The following ABCA10 variants were observed in gnomAD, a reference collection of about 807,000 sequenced individuals.
The protein encoded by ABCA10 is ATP binding cassette subfamily A member 10.
ABCA10 carries 169 observed loss-of-function variants against 187.5 expected under a neutral mutation model. The observed-to-expected ratio is 0.90, with a 90% CI of 0.80 to 1.02. The LOEUF is 1.02. Ranked by LOEUF, ABCA10 falls within the 50% of genes least tolerant of loss-of-function variation. ABCA10 has a pLI of 0.00. For missense variants in ABCA10, 1,727 were observed against 1,812.4 expected (o/e 0.95, Z 0.86); for synonymous variants, 574 against 601.8 (o/e 0.95, Z 0.68).
At chr17:69,191,507 A>G (rs1170638634) in intron 16 of ABCA10, among the ~76,000 whole-genome samples, 192 bp from the exon 17 acceptor site, 1 of 152,214 alleles carries the variant, frequency 6.6e-6, no homozygotes, top group Non-Finnish European at 1.5e-5. Flanking sequence ...TTGGTAGCCT[A>G]TTTTGCATTA....
intron 5 of ABCA10, among the ~76,000 whole-genome samples, chr17:69,219,989 C>T (rs1280788379): frequency 6.6e-6 from 1 of 152,194 alleles, no homozygotes; most frequent in Non-Finnish European, 1.5e-5. Flanking sequence ...GCATAATATA[C>T]TGTGCTACGT....
Position 69,150,027 on chromosome 17 carries a change from C to A in ABCA10, c.4434G>T (p.Glu1478Asp). ...AGGCCCGAGATAGAGGGTGGACATC[C>A]TCCACAGGTAACTTATACGCCATTA... ...SSLMAYKLPV[E>D]DVHPLSRAFF... The change falls in exon 37 of 39, where the codon GAG becomes GAT. Residue 1478 changes from glutamate (E) to aspartate (D), a missense_variant. Physicochemically the swap from Glu to Asp is conservative, Grantham distance 45. Transcript: ENST00000690296. The A allele has an allele frequency of 1.2e-6, 2 of 1,613,170 alleles. No individual in the cohort carries two copies. The highest frequency in any genetic ancestry group is 8.5e-7 in the Non-Finnish European group (1 of 1,179,410).
At chr17:69,211,327 A>ATG (rs1568070263) in intron 9 of ABCA10, among the ~76,000 whole-genome samples, 2 of 33,068 alleles carry the variant, frequency 6.0e-5, no homozygotes, top group African/African-American at 1.3e-4. Flanking sequence ...ATATATATAT[A>ATG]TATATATATA....
chr17:69,163,291 C>G (rs981452), intron 27 of ABCA10, among the ~76,000 whole-genome samples: 114,195 of 152,078 alleles, frequency 0.75, 43,482 homozygotes, highest in African/African-American at 0.85. Flanking sequence ...AATGGAGGTG[C>G]GCAGCCAAAT....
intron 1 of ABCA10, among the ~76,000 whole-genome samples, chr17:69,240,728 C>T (rs2074898799): frequency 6.6e-6 from 1 of 152,226 alleles, no homozygotes; most frequent in African/African-American, 2.4e-5. Context: ...AAGTTGTCTT[C>T]CTCTTTCCCA....
chr17:69,201,562 C>T lies in ABCA10; in HGVS notation c.1113G>A (p.Glu371=). Residue 371 remains glutamate, a synonymous_variant, in exon 10 of 39, where the codon GAG becomes GAA. Transcript: ENST00000690296. ...GTTCAAAAGAATCATCAGAGGAATG[C>T]TCAGGATTTATTTCATTCTCAAAGA... ...HEIFENEINP[E]HSSDDSFEPV... The T allele has an allele frequency of 1.9e-6, 3 of 1,612,238 alleles. No individual in the cohort carries two copies. The highest frequency in any genetic ancestry group is 2.5e-6 in the Non-Finnish European group (3 of 1,179,500).
intron 20 of ABCA10, among the ~76,000 whole-genome samples, chr17:69,185,150 AG>A (rs1032076517): frequency 2.6e-5 from 4 of 152,006 alleles, no homozygotes; most frequent in African/African-American, 9.7e-5. Context: ...GACTTGGGAA[AG>A]GGTGGGACGG....
chr17:69,172,475 A>G (rs1225316062), intron 25 of ABCA10, among the ~76,000 whole-genome samples: 2 of 152,148 alleles, frequency 1.3e-5, no homozygotes, highest in East Asian at 3.9e-4. Flanking sequence ...GCCCTCTATA[A>G]GCCAATGGGA....
intron 32 of ABCA10, 27 bp from the exon 33 acceptor site, chr17:69,153,573 T>C: frequency 5.0e-6 from 8 of 1,612,844 alleles, no homozygotes; most frequent in Non-Finnish European, 6.8e-6. Flanking sequence ...TGATTATACA[T>C]GAAGTATATG....
chr17:69,199,332 A>G (rs1452515831), intron 10 of ABCA10, among the ~76,000 whole-genome samples: 2 of 152,218 alleles, frequency 1.3e-5, no homozygotes, highest in Admixed American at 1.3e-4. Flanking sequence ...AAAGACTATC[A>G]TTAATCTCTG....
chr17:69,184,336 C>T (rs886132727), intron 20 of ABCA10, among the ~76,000 whole-genome samples: 1 of 152,034 alleles, frequency 6.6e-6, no homozygotes, highest in Non-Finnish European at 1.5e-5. Context: ...CTTATCCAGG[C>T]GACCCTAGGG....
At position 69,225,504 on chromosome 17, in the gene ABCA10, C is replaced by A; in HGVS notation, c.-146G>T. On this transcript the variant is annotated 5_prime_UTR_variant, in exon 3 of 39. Coordinates refer to ENST00000690296, the MANE Select transcript of ABCA10 (RefSeq NM_001377321.1). ...TTCCGAAAAGATGCACAAATATAGC[C>A]CTAGAAACAATGTTATTGTCCATTC... The A allele has an allele frequency of 1.5e-6, 1 of 676,580 alleles. No individual in the cohort carries two copies. Among genetic ancestry groups the A allele is most frequent in the Non-Finnish European group, 2.5e-6 (1 of 398,406 alleles). The allele number at this position is 676,580 out of a possible 1,614,324, so 41.9% of individuals were successfully genotyped here.
intron 9 of ABCA10, among the ~76,000 whole-genome samples, chr17:69,204,927 G>C (rs930275272): frequency 6.6e-6 from 1 of 152,186 alleles, no homozygotes; most frequent in African/African-American, 2.4e-5. Context: ...CCAGGAGTTT[G>C]AGACCAGCCT....
In ABCA10 at chr17:69,148,860, A is replaced by C; in HGVS notation, c.4599T>G (p.Val1533=). Residue 1533 remains valine (V), a synonymous_variant, in exon 39 of 39, where the codon GTT becomes GTG. Transcript: ENST00000690296. ...CTTCCTGTGGGAGAAGTTTCCATTCAACTGTTGTATCAATTTTATCATCAA... is the reference window on the plus strand; with the variant it reads ...CTTCCTGTGGGAGAAGTTTCCATTCCACTGTTGTATCAATTTTATCATCAA... ...GNVDDKIDTT[V]EWKLLPQEDP is the part of the protein sequence containing the mutation. The C allele has an allele frequency of 1.2e-6, 2 of 1,613,352 alleles. No individual in the cohort carries two copies. The highest frequency in any genetic ancestry group is 1.7e-6 in the Non-Finnish European group (2 of 1,179,852).
chr17:69,191,005 A>G (rs947670548), intron 17 of ABCA10, among the ~76,000 whole-genome samples, 171 bp downstream of exon 17: 3 of 152,150 alleles, frequency 2.0e-5, no homozygotes, highest in Non-Finnish European at 4.4e-5. Context: ...TAGTTGCTAT[A>G]ATACGTCCCT....
intron 1 of ABCA10, among the ~76,000 whole-genome samples, chr17:69,240,569 A>G (rs949009665): frequency 6.6e-6 from 1 of 152,216 alleles, no homozygotes; most frequent in Non-Finnish European, 1.5e-5. Flanking sequence ...CGGTTGGTAC[A>G]GTGAAATGCA....
intron 6 of ABCA10, 112 bp downstream of exon 6, chr17:69,219,433 T>G: frequency 2.9e-6 from 2 of 696,052 alleles, no homozygotes; most frequent in Non-Finnish European, 4.6e-6. Flanking sequence ...AGTAAGGTGA[T>G]TAAATTGAAT....
Position 69,215,701 on chromosome 17 carries a change from A to C in ABCA10, c.858+114T>G, listed in dbSNP as rs376528014. The C allele has an allele frequency of 1.2e-4, 129 of 1,059,590 alleles. No individual in the cohort carries two copies. The African/African-American group carries it at 1.7e-3, about 14-fold the overall frequency. 65.6% of individuals were successfully genotyped at this position (1,059,590 alleles called of 1,614,324 possible). On this transcript the variant is annotated intron_variant, in intron 8 of 38. Transcript: ENST00000690296. ...TTCTTATTTAGTTTCTCAACAGCAG[A>C]ATTTCTTAAAACACAGAGTGGCTGA...
At chr17:69,165,207 A>C (rs1348406261) in intron 25 of ABCA10, 124 bp from the exon 26 acceptor site, 11 of 801,230 alleles carry the variant, frequency 1.4e-5, no homozygotes, top group Admixed American at 2.7e-5. Context: ...CACAGATAGA[A>C]ATATTCTTAG....
Sources: allele counts gnomAD v4.1 joint callset (sites outside exome capture counted in the v4.1 genomes callset), GRCh38; gene constraint gnomAD v4.1.1; transcripts MANE v1.5; gene names NCBI Gene and HGNC (gene_info 2026-07-23, HGNC 2026-07-21).